Variants in TSKS observed in about 807,000 individuals in gnomAD.
TSKS encodes the protein testis specific serine kinase substrate, also known as testis-specific serine kinase substrate.
In TSKS, 27 loss-of-function variants were observed where a neutral mutation model predicts 68.0. The ratio of observed to expected loss-of-function variants is 0.40; its 90% CI spans 0.29 to 0.55. The LOEUF (loss-of-function observed/expected upper bound fraction) is 0.55, where lower values mean the gene tolerates loss of function less well. Among genes scored for constraint, TSKS ranks in the 20% least tolerant of loss-of-function variants. The pLI is 0.53. For synonymous variants in TSKS, 331 were observed against 340.4 expected (o/e 0.97, Z 0.30); for missense variants, 806 against 776.0 (o/e 1.04, Z -0.46).
chr19:49,743,085 GTT>G (rs768515300), intron 8 of TSKS, among the ~76,000 whole-genome samples: 3 of 143,112 alleles, frequency 2.1e-5, no homozygotes, highest in African/African-American at 2.6e-5. Context: ...TGTACTAAGT[GTT>G]TTTTTTTTTT....
At chr19:49,746,208 G>C (rs1360021652) in intron 6 of TSKS, among the ~76,000 whole-genome samples, 1 of 151,674 alleles carries the variant, frequency 6.6e-6, no homozygotes, top group South Asian at 2.1e-4. Flanking sequence ...AACAAAAAAC[G>C]ATCTTTGAGG....
Position 49,747,477 on chromosome 19 carries a change from G to T in TSKS, c.580-5C>A. ...GGTCACCTTCCAGCAGTTCTCCTGG[G>T]TCAGACACCAGGGCGAGGGCCCTGC... is the stretch of plus-strand genomic sequence containing the variant. On this transcript the variant is annotated splice_region_variant and splice_polypyrimidine_tract_variant and intron_variant, in intron 4 of 10. Coordinates refer to ENST00000246801, the MANE Select transcript of TSKS (RefSeq NM_021733.2). 1 of 1,614,004 alleles carries T rather than the reference G, an allele frequency of 6.2e-7. No individual in the cohort carries two copies. The highest frequency in any genetic ancestry group is 8.5e-7 in the Non-Finnish European group (1 of 1,179,884).
chr19:49,741,307 C>G (rs1230403790), intron 9 of TSKS, among the ~76,000 whole-genome samples: 1 of 152,182 alleles, frequency 6.6e-6, no homozygotes, highest in Admixed American at 6.6e-5. Context: ...CACAGTGCCT[C>G]ACTTGTCTGT....
At chr19:49,740,953 C>T (rs1171955050) in intron 9 of TSKS, among the ~76,000 whole-genome samples, 2 of 151,432 alleles carry the variant, frequency 1.3e-5, no homozygotes, top group Non-Finnish European at 2.9e-5. Context: ...CTGAGGCAGG[C>T]GGATCACGAG....
rs369589276 is a variant in TSKS, at chr19:49,740,122, C to T, written c.1559G>A (p.Arg520Gln). Residue 520 changes from arginine (R) to glutamine (Q), a missense_variant, in exon 10 of 11, where the codon CGG (arginine) becomes CAG (glutamine). Coordinates refer to ENST00000246801, the MANE Select transcript of TSKS (RefSeq NM_021733.2). ...CCGCAGGGCCTCGTCTTGGGCCAGCCGAAGGGTGGAGCTCAGGGCCTCTGC... is the reference window on the plus strand; with the variant it reads ...CCGCAGGGCCTCGTCTTGGGCCAGCTGAAGGGTGGAGCTCAGGGCCTCTGC... ...VRAEALSSTL[R>Q]LAQDEALRAK... 9.9e-6 allele frequency: 16 copies of T among 1,614,136 alleles called. No individual in the cohort carries two copies. The highest frequency in any genetic ancestry group is 5.0e-5 in the Admixed American group (3 of 60,016).
At position 49,746,519 on chromosome 19, in the gene TSKS, C is replaced by T. The variant is rs748716590; in HGVS notation, c.943G>A (p.Val315Met). The change falls in exon 6 of 11, where the codon GTG becomes ATG. Residue 315 changes from valine to methionine, a missense_variant. By Grantham distance (21) the Val-to-Met change is conservative. Transcript: ENST00000246801. ...MGPRAGEGPY[V>M]SEQELQKLFT... Reference sequence around the variant, plus strand: ...AGCTTCTGCAATTCCTGCTCGCTCACGTAGGGGCCCTCGCCAGCCCGAGGC... The same window carrying T: ...AGCTTCTGCAATTCCTGCTCGCTCATGTAGGGGCCCTCGCCAGCCCGAGGC... The T allele has an allele frequency of 1.1e-5, 17 of 1,613,884 alleles. No homozygotes were observed. The East Asian group carries it at 2.2e-4, about 21-fold the overall frequency.
intron 8 of TSKS, among the ~76,000 whole-genome samples, chr19:49,742,485 C>T (rs1009131115): frequency 7.3e-4 from 104 of 142,800 alleles, no homozygotes; most frequent in African/African-American, 2.2e-3. Context: ...CATGAGCCAC[C>T]GGGCCCGGCC....
intron 3 of TSKS, 42 bp from the exon 4 acceptor site, chr19:49,748,210 G>C: frequency 6.2e-7 from 1 of 1,605,244 alleles, no homozygotes; most frequent in Non-Finnish European, 8.5e-7. Flanking sequence ...GGACACGAGG[G>C]GACAGCCTGT....
chr19:49,756,759 C>A (rs1323348035), intron 2 of TSKS, among the ~76,000 whole-genome samples: 1 of 152,104 alleles, frequency 6.6e-6, no homozygotes, highest in Non-Finnish European at 1.5e-5. Flanking sequence ...GACTCACACC[C>A]AGGAAATAGA....
chr19:49,745,104 A>G (rs1291302461), intron 7 of TSKS, 98 bp downstream of exon 7: 6 of 1,234,572 alleles, frequency 4.9e-6, no homozygotes, highest in Non-Finnish European at 6.6e-6. Flanking sequence ...ATGCCTGGCC[A>G]TAGCTGATTG....
At chr19:49,747,227 A>T (rs761621080) in intron 5 of TSKS, 162 bp downstream of exon 5, 4 of 1,541,322 alleles carry the variant, frequency 2.6e-6, no homozygotes, top group Non-Finnish European at 3.5e-6. Flanking sequence ...TTGGAGCCTC[A>T]TTTGAATCCC....
intron 8 of TSKS, among the ~76,000 whole-genome samples, chr19:49,743,083 G>GT (rs1406906505): frequency 2.4e-4 from 36 of 150,428 alleles, no homozygotes; most frequent in African/African-American, 7.6e-4. Context: ...AATGTACTAA[G>GT]TGTTTTTTTT....
chr19:49,748,408 G>A lies in TSKS; in HGVS notation c.461C>T (p.Thr154Ile), dbSNP rs761162606. 7 of 1,614,226 alleles carry A rather than the reference G, an allele frequency of 4.3e-6. No individual in the cohort carries two copies. In the East Asian group the frequency reaches 1.3e-4, roughly 31 times the overall value. The change falls in exon 3 of 11, where the codon ACC becomes ATC. Residue 154 changes from threonine (T) to isoleucine (I), a missense_variant. Thr to Ile is a moderately conservative substitution (Grantham distance 89, BLOSUM62 -1). Coordinates refer to ENST00000246801, the MANE Select transcript of TSKS (RefSeq NM_021733.2). ...CTGCACGTGCTGGTTAACCCGGTTGGTCTTTTCCTTCAAGCTGGTGATGGA... is the reference window on the plus strand; with the variant it reads ...CTGCACGTGCTGGTTAACCCGGTTGATCTTTTCCTTCAAGCTGGTGATGGA... ...KDSITSLKEKTNRVNQHVQSL... is the reference protein window; with the variant it reads ...KDSITSLKEKINRVNQHVQSL...
intron 6 of TSKS, among the ~76,000 whole-genome samples, chr19:49,746,057 C>A (rs1311469843): frequency 6.6e-6 from 1 of 152,162 alleles, no homozygotes; most frequent in African/African-American, 2.4e-5. Context: ...GTGGCGGGCG[C>A]CTGTAGTCCC....
intron 2 of TSKS, among the ~76,000 whole-genome samples, chr19:49,749,677 C>T (rs1027788594): frequency 1.3e-5 from 2 of 152,078 alleles, no homozygotes; most frequent in African/African-American, 4.8e-5. Flanking sequence ...TGGTGTGGAG[C>T]GGTACTATCA....
intron 7 of TSKS, among the ~76,000 whole-genome samples, chr19:49,744,845 C>T (rs1457942741): frequency 1.3e-5 from 2 of 152,158 alleles, no homozygotes; most frequent in Admixed American, 1.3e-4. Flanking sequence ...CCACGTCGGC[C>T]TCCCAATGTG....
intron 2 of TSKS, among the ~76,000 whole-genome samples, chr19:49,758,777 C>T (rs571615220): frequency 6.6e-6 from 1 of 152,298 alleles, no homozygotes; most frequent in African/African-American, 2.4e-5. Flanking sequence ...AAAGCAGCAG[C>T]CTTCTTGTCT....
At chr19:49,746,953 G>A (rs2123608677) in intron 5 of TSKS, among the ~76,000 whole-genome samples, 155 bp from the exon 6 acceptor site, 1 of 152,336 alleles carries the variant, frequency 6.6e-6, no homozygotes, top group Middle Eastern at 3.4e-3. Context: ...ATTAGGGAGG[G>A]GAGGCACCAT....
At chr19:49,758,043 C>G (rs2084406972) in intron 2 of TSKS, among the ~76,000 whole-genome samples, 1 of 150,770 alleles carries the variant, frequency 6.6e-6, no homozygotes, top group Non-Finnish European at 1.5e-5. Context: ...GGCATGTGCC[C>G]CCCTCTGTCT....
Sources: gnomAD v4.1 joint callset for allele counts (sites outside exome capture counted in the v4.1 genomes callset) on GRCh38, gnomAD v4.1.1 for gene constraint, MANE v1.5 for transcripts, NCBI Gene and HGNC (gene_info 2026-07-23, HGNC 2026-07-21) for gene names.